Variants in NOC4L observed in about 807,000 individuals in gnomAD.
NOC4L encodes the protein nucleolar complex protein 4 homolog.
In NOC4L, 40 loss-of-function variants were observed where a neutral mutation model predicts 62.8. The observed-to-expected ratio is 0.64, with a 90% CI of 0.49 to 0.83. The LOEUF is 0.83. Ranked by LOEUF, NOC4L falls within the 40% of genes least tolerant of loss-of-function variation. The pLI, the probability that NOC4L is intolerant of heterozygous loss-of-function variation, is 0.00. For synonymous variants in NOC4L, 433 were observed against 299.8 expected (o/e 1.44, Z -4.59); for missense variants, 927 against 701.9 (o/e 1.32, Z -3.62).
intron 3 of NOC4L, chr12:132,146,143 C>T (rs762501887): frequency 3.0e-5 from 13 of 429,782 alleles, no homozygotes; most frequent in Non-Finnish European, 5.7e-5. Context: ...TACCAGTTAC[C>T]ATCGCTTCCA....
chr12:132,151,047 TGTCA>T lies in NOC4L; in HGVS notation c.962+7_962+10del. ...TTGATTCACAAACACAACCTGTGAG[TGTCA>T]CCAGGGGTGCAGGTCTTCTTCCCAG... On this transcript the variant is annotated splice_region_variant and intron_variant, in intron 10 of 14. Coordinates refer to ENST00000330579, the MANE Select transcript of NOC4L (RefSeq NM_024078.3). 6.2e-7 allele frequency: 1 copy of T among 1,609,520 alleles called. No individual in the cohort carries two copies. The highest frequency in any genetic ancestry group is 8.5e-7 in the Non-Finnish European group (1 of 1,178,024).
Position 132,147,937 on chromosome 12 carries a change from C to T in NOC4L, c.661C>T (p.Arg221Cys), listed in dbSNP as rs142341531. 89 of 1,606,962 alleles carry T rather than the reference C, an allele frequency of 5.5e-5. No individual in the cohort carries two copies. The highest frequency in any genetic ancestry group is 3.2e-4 in the African/African-American group (24 of 74,806). ...FTLLSAVSLP[R>C]REPTVSSFYV... is the part of the protein sequence containing the mutation. ...GCTGCTGTCTGCCGTGAGCCTGCCC[C>T]GCCGGGAGCCCACCGTCTCCAGCTT... The change falls in exon 6 of 15, where the codon CGC (arginine) becomes TGC (cysteine). Residue 221 changes from arginine to cysteine, a missense_variant. By Grantham distance (180) the Arg-to-Cys change is radical (BLOSUM62 -3). Coordinates refer to ENST00000330579, the MANE Select transcript of NOC4L (RefSeq NM_024078.3).
intron 13 of NOC4L, 84 bp downstream of exon 13, chr12:132,151,904 G>A (rs943110838): frequency 3.2e-5 from 45 of 1,403,476 alleles, no homozygotes; most frequent in Admixed American, 1.8e-4. Flanking sequence ...GCCACCTCCC[G>A]CATAGCCTCA....
At chr12:132,146,935 C>T (rs566343461) in intron 3 of NOC4L, among the ~76,000 whole-genome samples, 1 of 152,288 alleles carries the variant, frequency 6.6e-6, no homozygotes, top group East Asian at 1.9e-4. Flanking sequence ...CATCACACGC[C>T]TGTGTTTTCA....
intron 11 of NOC4L, 25 bp downstream of exon 11, chr12:132,151,393 G>A: frequency 6.2e-7 from 1 of 1,605,312 alleles, no homozygotes; most frequent in Non-Finnish European, 8.5e-7. Flanking sequence ...ACCTGGCTCT[G>A]CCCTGCTCTG....
chr12:132,148,022 G>A, intron 6 of NOC4L, 43 bp downstream of exon 6: 2 of 1,613,148 alleles, frequency 1.2e-6, no homozygotes, highest in South Asian at 2.2e-5. Context: ...CTGAGCCTTG[G>A]TCTGCCTCCC....
chr12:132,144,996 G>A (rs1379891985), intron 2 of NOC4L, 22 bp downstream of exon 2: 3 of 1,577,596 alleles, frequency 1.9e-6, no homozygotes, highest in Non-Finnish European at 2.6e-6. Context: ...AGGGCCCCGG[G>A]GCTGCTCTTC....
chr12:132,152,405 T>C lies in NOC4L; in HGVS notation c.*4T>C, dbSNP rs1208671417. 1.3e-6 allele frequency: 2 copies of C among 1,571,594 alleles called. No homozygotes were observed. The highest frequency in any genetic ancestry group is 2.3e-5 in the South Asian group (2 of 86,522). On this transcript the variant is annotated 3_prime_UTR_variant, in exon 15 of 15. Transcript: ENST00000330579. Reference sequence around the variant, plus strand: ...CCAGCACTTCACGCTCAGCTGACCCTGGCCCACCTGTGAATAAATCTCAGC... The same window carrying C: ...CCAGCACTTCACGCTCAGCTGACCCCGGCCCACCTGTGAATAAATCTCAGC...
Position 132,147,945 on chromosome 12 carries a change from G to A in NOC4L, c.669G>A (p.Glu223=), listed in dbSNP as rs773216825. Reference sequence around the variant, plus strand: ...CTGCCGTGAGCCTGCCCCGCCGGGAGCCCACCGTCTCCAGCTTCTATGTGA... The same window carrying A: ...CTGCCGTGAGCCTGCCCCGCCGGGAACCCACCGTCTCCAGCTTCTATGTGA... The part of the protein sequence containing the change: ...LLSAVSLPRR[E]PTVSSFYVKR... Residue 223 remains glutamate, a synonymous_variant, in exon 6 of 15, where the codon GAG becomes GAA. Coordinates refer to ENST00000330579, the MANE Select transcript of NOC4L (RefSeq NM_024078.3). 6.2e-7 allele frequency: 1 copy of A among 1,608,522 alleles called. No individual in the cohort carries two copies. The highest frequency in any genetic ancestry group is 1.1e-5 in the South Asian group (1 of 90,564).
chr12:132,145,801 T>C, intron 3 of NOC4L, 136 bp downstream of exon 3: 4 of 611,668 alleles, frequency 6.5e-6, no homozygotes, highest in Non-Finnish European at 1.2e-5. Context: ...ACCCTGTGGG[T>C]GTTCAGTCCC....
rs1247458378 is a variant in NOC4L, at chr12:132,151,606, C to T, written c.1196C>T (p.Pro399Leu). 2 of 1,611,566 alleles carry T rather than the reference C, an allele frequency of 1.2e-6. No homozygotes were observed. The highest frequency in any genetic ancestry group is 1.3e-5 in the African/African-American group (1 of 74,924). Residue 399 changes from proline (P) to leucine (L), a missense_variant, in exon 12 of 15, where the codon CCT becomes CTT. Physicochemically the swap from Pro to Leu is moderately conservative, Grantham distance 98. Coordinates refer to ENST00000330579, the MANE Select transcript of NOC4L (RefSeq NM_024078.3). The stretch of plus-strand genomic sequence containing the variant: ...ATCTGTAACCTGCTGCGCCGGCACC[C>T]TGCCTGCCGGGTCCTCGTGCACCGT... The part of the protein sequence containing the change: ...PFICNLLRRH[P>L]ACRVLVHRPH...
At chr12:132,146,523 T>C (rs529884640) in intron 3 of NOC4L, among the ~76,000 whole-genome samples, 1 of 152,328 alleles carries the variant, frequency 6.6e-6, no homozygotes, top group East Asian at 1.9e-4. Context: ...TTTAATGTTC[T>C]GAGGAACTAC....
At chr12:132,148,696 C>T (rs956216290) in intron 8 of NOC4L, 37 bp downstream of exon 8, 70 of 1,532,110 alleles carry the variant, frequency 4.6e-5, no homozygotes, top group Non-Finnish European at 5.8e-5. Context: ...GGGGCGGCAT[C>T]CGGGTCTCCC....
rs141152541 is a variant in NOC4L at position 132,146,289 on chromosome 12, G to A, written c.345+624G>A. 1.8e-4 allele frequency: 84 copies of A among 455,982 alleles called. No individual in the cohort carries two copies. In the East Asian group the frequency reaches 4.8e-3, roughly 26 times the overall value. 28.2% of individuals were successfully genotyped at this position (455,982 alleles called of 1,614,324 possible). On this transcript the variant is annotated intron_variant, in intron 3 of 14. Coordinates refer to ENST00000330579, the MANE Select transcript of NOC4L (RefSeq NM_024078.3). ...CGGTATGTGGCTTCTTCCACTCATC[G>A]GCGTGTTCGAAGTTCGTTCTCTTTG...
chr12:132,145,867 GTTCAT>G (rs1446449187), intron 3 of NOC4L, among the ~76,000 whole-genome samples: 1 of 152,182 alleles, frequency 6.6e-6, no homozygotes, highest in African/African-American at 2.4e-5. Flanking sequence ...CAGAATCCGT[GTTCAT>G]TTCCAGTGGC....
intron 7 of NOC4L, 74 bp downstream of exon 7, chr12:132,148,180 G>T: frequency 1.4e-6 from 2 of 1,476,188 alleles, no homozygotes. Flanking sequence ...AGACCCCATG[G>T]AGGCTGCCGC....
rs371881403 is a variant in NOC4L at position 132,147,299 on chromosome 12, C to T, written c.364C>T (p.Leu122Phe). ...FQVKELALSA[L>F]LKFVQLEGAH... is the part of the protein sequence containing the mutation. ...TTCCCAGGAGCTGGCCCTCAGCGCA[C>T]TCCTGAAGTTCGTGCAGCTGGAAGG... The change falls in exon 4 of 15, where the codon CTC (leucine) becomes TTC (phenylalanine). Residue 122 changes from leucine (L) to phenylalanine (F), a missense_variant. Leu to Phe is a conservative substitution (Grantham distance 22). Coordinates refer to ENST00000330579, the MANE Select transcript of NOC4L (RefSeq NM_024078.3). 2.3e-5 allele frequency: 36 copies of T among 1,568,510 alleles called. No individual in the cohort carries two copies. In the East Asian group the frequency reaches 2.6e-4, roughly 11 times the overall value.
intron 6 of NOC4L, 23 bp from the exon 7 acceptor site, chr12:132,148,049 C>G: frequency 6.2e-7 from 1 of 1,613,540 alleles, no homozygotes; most frequent in Admixed American, 1.7e-5. Flanking sequence ...GTCAGGTGAC[C>G]TTTGCCCTCG....
chr12:132,148,852 G>T lies in NOC4L; in HGVS notation c.858G>T (p.Gln286His), dbSNP rs529616528. 2 of 1,601,954 alleles carry T rather than the reference G, an allele frequency of 1.2e-6. No individual in the cohort carries two copies. Among genetic ancestry groups the T allele is most frequent in the Non-Finnish European group, 1.7e-6 (2 of 1,178,722 alleles). Residue 286 changes from glutamine (Q) to histidine (H), a missense_variant, in exon 9 of 15, where the codon CAG becomes CAT. Coordinates refer to ENST00000330579, the MANE Select transcript of NOC4L (RefSeq NM_024078.3). ...VHDAILPQLA[Q>H]PTLMIDFLTR... The stretch of plus-strand genomic sequence containing the variant: ...ACGCCATCCTGCCGCAGCTGGCGCA[G>T]CCCACGCTCATGATCGACTTCCTCA...
Sources: allele counts gnomAD v4.1 joint callset (sites outside exome capture counted in the v4.1 genomes callset), GRCh38; gene constraint gnomAD v4.1.1; transcripts MANE v1.5; gene names NCBI Gene and HGNC (gene_info 2026-07-23, HGNC 2026-07-21).